Variants in RNASE8 observed in about 807,000 individuals in gnomAD.
The protein encoded by RNASE8 is ribonuclease 8.
For missense variants in RNASE8, 179 were observed against 187.9 expected (o/e 0.95, Z 0.28); for synonymous variants, 68 against 74.1 (o/e 0.92, Z 0.42).
In RNASE8 at chr14:21,057,906, G is replaced by C. The variant is rs1471632830; in HGVS notation, c.14G>C (p.Arg5Thr). The change falls in exon 1 of 1, where the codon AGA (arginine) becomes ACA (threonine). Residue 5 changes from arginine (R) to threonine (T), a missense_variant. Physicochemically the swap from Arg to Thr is moderately conservative, Grantham distance 71. Coordinates refer to ENST00000308227, the MANE Select transcript of RNASE8 (RefSeq NM_138331.2). ...CCCTTAAGAGAGATGGCACCGGCCA[G>C]AGCAGGATGCTGCCCCCTGCTGCTG... MAPA[R>T]AGCCPLLLLL... The C allele has an allele frequency of 2.5e-6, 4 of 1,613,856 alleles. No homozygotes were observed. The highest frequency in any genetic ancestry group is 2.2e-5 in the East Asian group (1 of 44,848).
In RNASE8 at chr14:21,058,238, C is replaced by G; in HGVS notation, c.346C>G (p.Pro116Ala). 6.2e-7 allele frequency: 1 copy of G among 1,614,112 alleles called. No individual in the cohort carries two copies. Residue 116 changes from proline (P) to alanine (A), a missense_variant, in exon 1 of 1, where the codon CCA (proline) becomes GCA (alanine). Transcript: ENST00000308227. The stretch of plus-strand genomic sequence containing the variant: ...GGGTGAGCTCACCTCAGGGAAGTAC[C>G]CAAACTGCAGGTACAAAGAGAAGCA... ...TMGELTSGKYPNCRYKEKHLN... is the reference protein window; with the variant it reads ...TMGELTSGKYANCRYKEKHLN...
rs773888272 is a variant in RNASE8, at chr14:21,058,112, C to A, written c.220C>A (p.Pro74Thr). 4 of 1,614,058 alleles carry A rather than the reference C, an allele frequency of 2.5e-6. No individual in the cohort carries two copies. The highest frequency in any genetic ancestry group is 3.4e-6 in the Non-Finnish European group (4 of 1,180,044). The stretch of plus-strand genomic sequence containing the variant: ...AGACCTCAACACCTTCCTGCACGAG[C>A]CCTTCTCCAGTGTGGCCATCACCTG... ...CKDLNTFLHE[P>T]FSSVAITCQT... Residue 74 changes from proline to threonine, a missense_variant, in exon 1 of 1, where the codon CCC (proline) becomes ACC (threonine). Transcript: ENST00000308227.
chr14:21,057,857 C>T lies in RNASE8; in HGVS notation c.-36C>T. 1 of 1,575,084 alleles carries T rather than the reference C, an allele frequency of 6.3e-7. No individual in the cohort carries two copies. ...CCATGATGACCTATTCATCCACCTACCTCCTCACTCTGTTCCACTGTCTCC... is the reference window on the plus strand; with the variant it reads ...CCATGATGACCTATTCATCCACCTATCTCCTCACTCTGTTCCACTGTCTCC... On this transcript the variant is annotated 5_prime_UTR_variant, in exon 1 of 1. Transcript: ENST00000308227.
In RNASE8 at chr14:21,058,231, G is replaced by A; in HGVS notation, c.339G>A (p.Gly113=). Residue 113 remains glycine, a synonymous_variant, in exon 1 of 1, where the codon GGG becomes GGA. Transcript: ENST00000308227. ...TGACCATGGGTGAGCTCACCTCAGG[G>A]AAGTACCCAAACTGCAGGTACAAAG... ...MSLTMGELTS[G]KYPNCRYKEK... is the part of the protein sequence containing the mutation. 1 of 1,614,098 alleles carries A rather than the reference G, an allele frequency of 6.2e-7. No individual in the cohort carries two copies. The highest frequency in any genetic ancestry group is 8.5e-7 in the Non-Finnish European group (1 of 1,180,026).
At position 21,058,203 on chromosome 14, in the gene RNASE8, C is replaced by T. The variant is rs750634723; in HGVS notation, c.311C>T (p.Ser104Phe). 3.7e-6 allele frequency: 6 copies of T among 1,614,142 alleles called. No homozygotes were observed. Among genetic ancestry groups the T allele is most frequent in the Non-Finnish European group, 5.1e-6 (6 of 1,180,020 alleles). ...KNCHQSHGPM[S>F]LTMGELTSGK... is the part of the protein sequence containing the mutation. Reference sequence around the variant, plus strand: ...TGCCACCAGAGCCACGGGCCCATGTCCCTGACCATGGGTGAGCTCACCTCA... The same window carrying T: ...TGCCACCAGAGCCACGGGCCCATGTTCCTGACCATGGGTGAGCTCACCTCA... Residue 104 changes from serine (S) to phenylalanine (F), a missense_variant, in exon 1 of 1, where the codon TCC becomes TTC. Physicochemically the swap from Ser to Phe is radical, Grantham distance 155. Transcript: ENST00000308227.
At position 21,058,353 on chromosome 14, in the gene RNASE8, T is replaced by G; in HGVS notation, c.461T>G (p.Val154Gly). 6.2e-7 allele frequency: 1 copy of G among 1,602,674 alleles called. No homozygotes were observed. The highest frequency in any genetic ancestry group is 8.5e-7 in the Non-Finnish European group (1 of 1,173,530). ...GTTCCTGTGCACTTGGATAAAGTTGTCTAAGCCCTGGTGCCCACGTTCCAC... is the reference window on the plus strand; with the variant it reads ...GTTCCTGTGCACTTGGATAAAGTTGGCTAAGCCCTGGTGCCCACGTTCCAC... Reference protein sequence around the residue: ...PLVPVHLDKVV With the variant: ...PLVPVHLDKVG The change falls in exon 1 of 1, where the codon GTC becomes GGC. Residue 154 changes from valine to glycine, a missense_variant. Physicochemically the swap from Val to Gly is moderately radical, Grantham distance 109 (BLOSUM62 -3). Coordinates refer to ENST00000308227, the MANE Select transcript of RNASE8 (RefSeq NM_138331.2).
In RNASE8 at chr14:21,058,360, C is replaced by T. The variant is rs532217914; in HGVS notation, c.*3C>T. 1.0e-5 allele frequency: 16 copies of T among 1,593,716 alleles called. No individual in the cohort carries two copies. In the African/African-American group the frequency reaches 2.0e-4, roughly 20 times the overall value. ...TGCACTTGGATAAAGTTGTCTAAGCCCTGGTGCCCACGTTCCACCTCACAC... is the reference window on the plus strand; with the variant it reads ...TGCACTTGGATAAAGTTGTCTAAGCTCTGGTGCCCACGTTCCACCTCACAC... On this transcript the variant is annotated 3_prime_UTR_variant, in exon 1 of 1. Transcript: ENST00000308227.
Position 21,058,390 on chromosome 14 carries a change from C to T in RNASE8, c.*33C>T, listed in dbSNP as rs933864192. 35 of 1,448,982 alleles carry T rather than the reference C, an allele frequency of 2.4e-5. No homozygotes were observed. Among genetic ancestry groups the T allele is most frequent in the Non-Finnish European group, 3.2e-5 (34 of 1,048,558 alleles). 89.8% of individuals were successfully genotyped at this position (1,448,982 alleles called of 1,614,324 possible). ...TGCCCACGTTCCACCTCACACTCTGCAGACTGTATGCTGCTGCTTTTCCTC... is the reference window on the plus strand; with the variant it reads ...TGCCCACGTTCCACCTCACACTCTGTAGACTGTATGCTGCTGCTTTTCCTC... On this transcript the variant is annotated 3_prime_UTR_variant, in exon 1 of 1. Transcript: ENST00000308227.
chr14:21,058,123 T>A lies in RNASE8; in HGVS notation c.231T>A (p.Ser77Arg), dbSNP rs759075575. The A allele has an allele frequency of 1.2e-6, 2 of 1,614,186 alleles. No homozygotes were observed. The highest frequency in any genetic ancestry group is 1.7e-6 in the Non-Finnish European group (2 of 1,180,036). Residue 77 changes from serine (S) to arginine (R), a missense_variant, in exon 1 of 1, where the codon AGT (serine) becomes AGA (arginine). Ser to Arg is a moderately radical substitution (Grantham distance 110, BLOSUM62 -1). Transcript: ENST00000308227. The part of the protein sequence containing the change: ...LNTFLHEPFS[S>R]VAITCQTPNI... ...CCTTCCTGCACGAGCCCTTCTCCAG[T>A]GTGGCCATCACCTGCCAGACCCCCA...
In RNASE8 at chr14:21,057,953, G is replaced by A. The variant is rs749418655; in HGVS notation, c.61G>A (p.Ala21Thr). Residue 21 changes from alanine (A) to threonine (T), a missense_variant, in exon 1 of 1, where the codon GCA (alanine) becomes ACA (threonine). Coordinates refer to ENST00000308227, the MANE Select transcript of RNASE8 (RefSeq NM_138331.2). Reference sequence around the variant, plus strand: ...GCTGCTGCTTCTGGGGCTGTGGGTGGCAGAGGTCCTAGTCAGAGCCAAGCC... The same window carrying A: ...GCTGCTGCTTCTGGGGCTGTGGGTGACAGAGGTCCTAGTCAGAGCCAAGCC... Reference protein sequence around the residue: ...LLLLLLGLWVAEVLVRAKPKD... With the variant: ...LLLLLLGLWVTEVLVRAKPKD... The A allele has an allele frequency of 1.1e-5, 18 of 1,613,918 alleles. No individual in the cohort carries two copies. The highest frequency in any genetic ancestry group is 2.2e-5 in the East Asian group (1 of 44,878).
Position 21,058,343 on chromosome 14 carries a change from G to T in RNASE8, c.451G>T (p.Asp151Tyr). 1 of 1,608,378 alleles carries T rather than the reference G, an allele frequency of 6.2e-7. No homozygotes were observed. The part of the protein sequence containing the change: ...PGYPLVPVHL[D>Y]KVV ...GTACCCACTTGTTCCTGTGCACTTGGATAAAGTTGTCTAAGCCCTGGTGCC... is the reference window on the plus strand; with the variant it reads ...GTACCCACTTGTTCCTGTGCACTTGTATAAAGTTGTCTAAGCCCTGGTGCC... Residue 151 changes from aspartate to tyrosine, a missense_variant, in exon 1 of 1, where the codon GAT becomes TAT. Transcript: ENST00000308227.
chr14:21,058,107 A>T lies in RNASE8; in HGVS notation c.215A>T (p.His72Leu). The T allele has an allele frequency of 6.2e-7, 1 of 1,614,140 alleles. No homozygotes were observed. Among genetic ancestry groups the T allele is most frequent in the Non-Finnish European group, 8.5e-7 (1 of 1,180,022 alleles). The change falls in exon 1 of 1, where the codon CAC becomes CTC. Residue 72 changes from histidine (H) to leucine (L), a missense_variant. Coordinates refer to ENST00000308227, the MANE Select transcript of RNASE8 (RefSeq NM_138331.2). ...TGCAAAGACCTCAACACCTTCCTGC[A>T]CGAGCCCTTCTCCAGTGTGGCCATC... ...ERCKDLNTFLHEPFSSVAITC... is the reference protein window; with the variant it reads ...ERCKDLNTFLLEPFSSVAITC...
rs1885777202 is a variant in RNASE8, at chr14:21,058,310, G to C, written c.418G>C (p.Asp140His). 1 of 1,613,636 alleles carries C rather than the reference G, an allele frequency of 6.2e-7. No individual in the cohort carries two copies. The highest frequency in any genetic ancestry group is 1.3e-5 in the African/African-American group (1 of 74,910). The change falls in exon 1 of 1, where the codon GAC (aspartate) becomes CAC (histidine). Residue 140 changes from aspartate to histidine, a missense_variant. Physicochemically the swap from Asp to His is moderately conservative, Grantham distance 81. Transcript: ENST00000308227. Reference protein sequence around the residue: ...IVACDPPQQGDPGYPLVPVHL... With the variant: ...IVACDPPQQGHPGYPLVPVHL... ...GGCCTGTGACCCTCCACAACAGGGT[G>C]ACCCAGGGTACCCACTTGTTCCTGT...
rs1244390893 is a variant in RNASE8, at chr14:21,057,943, G to A, written c.51G>A (p.Gly17=). Residue 17 remains glycine, a synonymous_variant, in exon 1 of 1, where the codon GGG becomes GGA. Coordinates refer to ENST00000308227, the MANE Select transcript of RNASE8 (RefSeq NM_138331.2). ...GCCPLLLLLL[G]LWVAEVLVRA... is the part of the protein sequence containing the mutation. ...GCCCCCTGCTGCTGCTGCTTCTGGG[G>A]CTGTGGGTGGCAGAGGTCCTAGTCA... is the stretch of plus-strand genomic sequence containing the variant. 6.2e-7 allele frequency: 1 copy of A among 1,614,064 alleles called. No homozygotes were observed. Among genetic ancestry groups the A allele is most frequent in the Admixed American group, 1.7e-5 (1 of 60,010 alleles).
At position 21,058,084 on chromosome 14, in the gene RNASE8, C is replaced by T. The variant is rs1331103028; in HGVS notation, c.192C>T (p.Cys64=). Residue 64 remains cysteine (C), a synonymous_variant, in exon 1 of 1, where the codon TGC becomes TGT. Coordinates refer to ENST00000308227, the MANE Select transcript of RNASE8 (RefSeq NM_138331.2). Reference sequence around the variant, plus strand: ...TCATCAATAAGTACACAGAACGGTGCAAAGACCTCAACACCTTCCTGCACG... The same window carrying T: ...TCATCAATAAGTACACAGAACGGTGTAAAGACCTCAACACCTTCCTGCACG... ...MSIINKYTER[C]KDLNTFLHEP... The T allele has an allele frequency of 1.9e-6, 3 of 1,614,022 alleles. No homozygotes were observed. Among genetic ancestry groups the T allele is most frequent in the Non-Finnish European group, 8.5e-7 (1 of 1,180,036 alleles).
rs765831124 is a variant in RNASE8 at position 21,057,901 on chromosome 14, G to A, written c.9G>A (p.Pro3=). ...TGTCTCCCTTAAGAGAGATGGCACC[G>A]GCCAGAGCAGGATGCTGCCCCCTGC... The part of the protein sequence containing the change: MA[P]ARAGCCPLLL... The change falls in exon 1 of 1, where the codon CCG becomes CCA. Residue 3 remains proline (P), a synonymous_variant. Coordinates refer to ENST00000308227, the MANE Select transcript of RNASE8 (RefSeq NM_138331.2). 22 of 1,613,484 alleles carry A rather than the reference G, an allele frequency of 1.4e-5. No individual in the cohort carries two copies. The highest frequency in any genetic ancestry group is 6.6e-5 in the South Asian group (6 of 91,046).
In RNASE8 at chr14:21,057,858, C is replaced by T. The variant is rs1276262500; in HGVS notation, c.-35C>T. ...CATGATGACCTATTCATCCACCTACCTCCTCACTCTGTTCCACTGTCTCCC... is the reference window on the plus strand; with the variant it reads ...CATGATGACCTATTCATCCACCTACTTCCTCACTCTGTTCCACTGTCTCCC... On this transcript the variant is annotated 5_prime_UTR_variant, in exon 1 of 1. Coordinates refer to ENST00000308227, the MANE Select transcript of RNASE8 (RefSeq NM_138331.2). The T allele has an allele frequency of 8.2e-6, 13 of 1,576,922 alleles. No homozygotes were observed. In the East Asian group the frequency reaches 2.9e-4, roughly 35 times the overall value.
Position 21,058,051 on chromosome 14 carries a change from C to A in RNASE8, c.159C>A (p.Ala53=), listed in dbSNP as rs760537507. 1.2e-6 allele frequency: 2 copies of A among 1,614,170 alleles called. No homozygotes were observed. The highest frequency in any genetic ancestry group is 3.3e-5 in the Admixed American group (2 of 60,028). The change falls in exon 1 of 1, where the codon GCC becomes GCA. Residue 53 remains alanine, a synonymous_variant. Transcript: ENST00000308227. ...VQPSPQACNS[A]MSIINKYTER... is the part of the protein sequence containing the mutation. ...CCAGCCCTCAAGCATGCAACTCAGC[C>A]ATGAGCATCATCAATAAGTACACAG...
chr14:21,057,872 C>G lies in RNASE8; in HGVS notation c.-21C>G, dbSNP rs554850777. The G allele has an allele frequency of 1.2e-6, 2 of 1,604,580 alleles. No homozygotes were observed. The highest frequency in any genetic ancestry group is 2.7e-5 in the African/African-American group (2 of 74,728). ...CATCCACCTACCTCCTCACTCTGTT[C>G]CACTGTCTCCCTTAAGAGAGATGGC... On this transcript the variant is annotated 5_prime_UTR_variant, in exon 1 of 1. Transcript: ENST00000308227.
Sources: gnomAD v4.1 joint callset for allele counts on GRCh38, gnomAD v4.1.1 for gene constraint, MANE v1.5 for transcripts, NCBI Gene and HGNC (gene_info 2026-07-23, HGNC 2026-07-21) for gene names.